PCDH9: variants seen among roughly 807,000 people sequenced by gnomAD.
PCDH9 encodes protocadherin 9.
Under a neutral mutation model 70.6 loss-of-function variants are expected in PCDH9, and 24 were observed. The ratio of observed to expected loss-of-function variants is 0.34; its 90% CI spans 0.25 to 0.48. The LOEUF (loss-of-function observed/expected upper bound fraction) is 0.48. Ranked by LOEUF, PCDH9 falls within the 20% of genes least tolerant of loss-of-function variation. The probability of loss-of-function intolerance (pLI) is 0.99; values close to 1 mark genes in which losing one functional copy is unlikely to be tolerated. For missense variants in PCDH9, 1,281 were observed against 1,503.6 expected, an observed-to-expected ratio of 0.85 and a Z score of 2.45; for synonymous variants, 562 against 558.5, an observed-to-expected ratio of 1.01 and a Z score of -0.09.
At chr13:67,199,138 CT>C (rs2089148527) in intron 2 of PCDH9, among the ~76,000 whole-genome samples, 2 of 151,368 alleles carry the variant, frequency 1.3e-5, no homozygotes, top group Non-Finnish European at 3.0e-5. Context: ...CATTTTCAAT[CT>C]ATCTGAACTT....
intron 3 of PCDH9, among the ~76,000 whole-genome samples, chr13:66,652,322 T>C (rs1345978411): frequency 3.9e-5 from 6 of 152,126 alleles, no homozygotes; most frequent in African/African-American, 1.4e-4. Flanking sequence ...CAGTAGCATT[T>C]ATTTATGCCA....
chr13:66,797,086 C>T (rs955530080), intron 3 of PCDH9, among the ~76,000 whole-genome samples: 2 of 152,048 alleles, frequency 1.3e-5, no homozygotes, highest in African/African-American at 4.8e-5. Context: ...GGGAAGTGGA[C>T]AAAGAAATAA....
chr13:66,797,312 TG>T (rs1323840232), intron 3 of PCDH9, among the ~76,000 whole-genome samples: 1 of 152,154 alleles, frequency 6.6e-6, no homozygotes, highest in African/African-American at 2.4e-5. Flanking sequence ...ATTATCATCT[TG>T]GGGTTGATAA....
chr13:67,126,477 G>A (rs146732985), intron 2 of PCDH9, among the ~76,000 whole-genome samples: 14 of 152,236 alleles, frequency 9.2e-5, no homozygotes, highest in African/African-American at 3.1e-4. Flanking sequence ...TATTAATTAA[G>A]GCATTTATGA....
At chr13:66,717,243 G>A (rs1593943624) in intron 3 of PCDH9, among the ~76,000 whole-genome samples, 1 of 151,556 alleles carries the variant, frequency 6.6e-6, no homozygotes. Context: ...ATCACCTGAG[G>A]TCAGGAGTTC....
At chr13:66,985,963 A>G (rs1480895616) in intron 2 of PCDH9, among the ~76,000 whole-genome samples, 1 of 152,036 alleles carries the variant, frequency 6.6e-6, no homozygotes, top group African/African-American at 2.4e-5. Flanking sequence ...TTATAAATGA[A>G]TACATTGTCT....
chr13:66,761,959 G>T (rs1316668544), intron 3 of PCDH9, among the ~76,000 whole-genome samples: 2 of 151,118 alleles, frequency 1.3e-5, no homozygotes, highest in Admixed American at 1.3e-4. Flanking sequence ...TTGTTCATGT[G>T]TTGATGCCCT....
intron 2 of PCDH9, among the ~76,000 whole-genome samples, chr13:67,185,359 C>G (rs1437798644): frequency 6.6e-6 from 1 of 151,970 alleles, no homozygotes; most frequent in African/African-American, 2.4e-5. Flanking sequence ...TTTTTCTTTG[C>G]ACAGAATTTA....
chr13:67,038,237 G>A (rs2085046723), intron 2 of PCDH9, among the ~76,000 whole-genome samples: 1 of 152,110 alleles, frequency 6.6e-6, no homozygotes, highest in African/African-American at 2.4e-5. Context: ...TTGGAATCAA[G>A]GAAATAGCCT....
At chr13:66,484,031 G>A (rs1006102133) in intron 4 of PCDH9, among the ~76,000 whole-genome samples, 2 of 152,100 alleles carry the variant, frequency 1.3e-5, no homozygotes, top group South Asian at 2.1e-4. Context: ...AGCCCTGGCC[G>A]CCAAGCAGCC....
intron 4 of PCDH9, among the ~76,000 whole-genome samples, chr13:66,399,342 T>G (rs1413196406): frequency 6.6e-6 from 1 of 152,170 alleles, no homozygotes; most frequent in East Asian, 1.9e-4. Flanking sequence ...AATGTGTGTA[T>G]TAAGCCTGGG....
chr13:66,750,995 T>A (rs2079448767), intron 3 of PCDH9, among the ~76,000 whole-genome samples: 1 of 152,162 alleles, frequency 6.6e-6, no homozygotes, highest in South Asian at 2.1e-4. Flanking sequence ...AAACGGGCCA[T>A]TTTAATTTGT....
intron 4 of PCDH9, among the ~76,000 whole-genome samples, chr13:66,562,963 T>C (rs143721881): frequency 5.6e-4 from 85 of 152,252 alleles, no homozygotes; most frequent in African/African-American, 1.9e-3. Flanking sequence ...ATATATAGTA[T>C]ATATAGTAAT....
intron 2 of PCDH9, among the ~76,000 whole-genome samples, chr13:66,992,517 C>A (rs1265116413): frequency 6.6e-6 from 1 of 152,112 alleles, no homozygotes; most frequent in East Asian, 1.9e-4. Flanking sequence ...TTCATTTATT[C>A]TTTAATATAT....
chr13:66,849,486 GTATATATATATATA>G (rs144181181), intron 3 of PCDH9, among the ~76,000 whole-genome samples: 12 of 90,262 alleles, frequency 1.3e-4, no homozygotes, highest in Non-Finnish European at 2.0e-4. Context: ...TCATAGGTAG[GTATATATATATATA>G]TATATATATA....
chr13:66,409,395 C>T (rs1012314512), intron 4 of PCDH9, among the ~76,000 whole-genome samples: 5 of 152,022 alleles, frequency 3.3e-5, no homozygotes, highest in African/African-American at 1.2e-4. Context: ...TAATTGTTGT[C>T]CTCCCCCTTT....
chr13:66,585,011 A>G (rs2076943686), intron 4 of PCDH9, among the ~76,000 whole-genome samples: 1 of 152,132 alleles, frequency 6.6e-6, no homozygotes, highest in South Asian at 2.1e-4. Flanking sequence ...GATTAGAAAA[A>G]CAAAGGCATA....
At position 66,314,436 on chromosome 13, in the gene PCDH9, C is replaced by T. The variant is rs12427872; in HGVS notation, c.3341-9408G>A. ...TCCTGTTCAGTTTCCTTTGATGATA[C>T]CACACCCTTGCCAGATCCCTAAATG... On this transcript the variant is annotated intron_variant, in intron 4 of 4. Transcript: ENST00000377865. 2.4e-3 allele frequency among the ~76,000 whole-genome samples: 373 copies of T among 152,304 alleles called. 7 individuals are homozygous for T. The highest frequency in any genetic ancestry group is 0.021 in the Admixed American group (326 of 15,296).
intron 2 of PCDH9, among the ~76,000 whole-genome samples, chr13:67,183,299 T>C (rs1480510734): frequency 6.6e-6 from 1 of 152,108 alleles, no homozygotes; most frequent in Non-Finnish European, 1.5e-5. Context: ...AAACTAAGCA[T>C]GTGAAGTGGA....
Sources: allele counts gnomAD v4.1 joint callset (sites outside exome capture counted in the v4.1 genomes callset), GRCh38; gene constraint gnomAD v4.1.1; transcripts MANE v1.5; gene names NCBI Gene and HGNC (gene_info 2026-07-23, HGNC 2026-07-21).